The following SP4 variants were observed in gnomAD, a reference collection of about 807,000 sequenced individuals.
SP4 encodes Sp4 transcription factor, also known as transcription factor Sp4.
Under a neutral mutation model 72.8 loss-of-function variants are expected in SP4, and 19 were observed. That is an observed-to-expected ratio of 0.26 (90% CI 0.18 to 0.38). The LOEUF (loss-of-function observed/expected upper bound fraction) is 0.38. Among genes scored for constraint, SP4 ranks in the 10% least tolerant of loss-of-function variants. The pLI is 1.00. For missense variants in SP4, 1,008 were observed against 926.3 expected, an observed-to-expected ratio of 1.09 and a Z score of -1.14; for synonymous variants, 395 against 333.1, an observed-to-expected ratio of 1.19 and a Z score of -2.02.
chr7:21,444,270 GTTTTC>G (rs1206652361), intron 3 of SP4, among the ~76,000 whole-genome samples: 3 of 152,230 alleles, frequency 2.0e-5, no homozygotes, highest in South Asian at 2.1e-4. Context: ...AAATTATGCA[GTTTTC>G]TTTAATGAAT....
intron 5 of SP4, among the ~76,000 whole-genome samples, chr7:21,499,601 A>G (rs1781815247): frequency 6.6e-6 from 1 of 152,196 alleles, no homozygotes; most frequent in Non-Finnish European, 1.5e-5. Flanking sequence ...CTGGGCTGAG[A>G]TCTTAATTTT....
intron 5 of SP4, among the ~76,000 whole-genome samples, chr7:21,485,923 T>C (rs910548173): frequency 1.3e-5 from 2 of 152,034 alleles, no homozygotes; most frequent in Admixed American, 6.6e-5. Context: ...AGATCTCATA[T>C]TGGTTCTCAA....
intron 3 of SP4, among the ~76,000 whole-genome samples, chr7:21,455,512 A>G (rs1187652131): frequency 2.0e-5 from 3 of 152,162 alleles, no homozygotes; most frequent in African/African-American, 7.2e-5. Flanking sequence ...TATATCCTGA[A>G]TAGGACATCC....
At chr7:21,505,547 G>C (rs895047332) in intron 5 of SP4, among the ~76,000 whole-genome samples, 1 of 152,166 alleles carries the variant, frequency 6.6e-6, no homozygotes, top group Non-Finnish European at 1.5e-5. Flanking sequence ...TTTTCTCCTA[G>C]TTATAGCATC....
rs1562578741 is a variant in SP4, at chr7:21,429,562, G to GGGA, written c.399_401dup (p.Gly133_Ser134insArg). On this transcript the variant is annotated inframe_insertion, in exon 3 of 6. Transcript: ENST00000222584. Reference sequence around the variant, plus strand: ...GTCTAGTTCTTCCAGCAGTAATAACGGGAGTGCATCTCCTACAAAAACTAA... The same window carrying GGGA: ...GTCTAGTTCTTCCAGCAGTAATAACGGGAGGAGTGCATCTCCTACAAAAACTAA... 6.2e-7 allele frequency: 1 copy of GGGA among 1,614,080 alleles called. No individual in the cohort carries two copies. The highest frequency in any genetic ancestry group is 8.5e-7 in the Non-Finnish European group (1 of 1,179,978).
At chr7:21,441,996 GTGTGTGTGTT>G (rs1326712575) in intron 3 of SP4, among the ~76,000 whole-genome samples, 2 of 113,812 alleles carry the variant, frequency 1.8e-5, no homozygotes, top group African/African-American at 7.2e-5. Flanking sequence ...CATTTTATGT[GTGTGTGTGTT>G]TGTGTGTGTG....
intron 3 of SP4, among the ~76,000 whole-genome samples, chr7:21,453,302 T>A (rs1209673627): frequency 6.6e-6 from 1 of 152,232 alleles, no homozygotes; most frequent in Non-Finnish European, 1.5e-5. Flanking sequence ...TCTCCAGTTA[T>A]CAGAAACCTG....
Position 21,428,203 on chromosome 7 carries a change from C to CCCCCCCAG in SP4, c.-49_-48insCCCCCCAG. 8.2e-7 allele frequency: 1 copy of CCCCCCCAG among 1,216,718 alleles called. No individual in the cohort carries two copies. The highest frequency in any genetic ancestry group is 1.2e-6 in the Non-Finnish European group (1 of 854,966). The allele number at this position is 1,216,718 out of a possible 1,614,324, so 75.4% of individuals were successfully genotyped here. A position where few individuals can be genotyped will look rare whatever the true frequency, so the allele number is the denominator to read the frequency against. On this transcript the variant is annotated 5_prime_UTR_variant, in exon 1 of 6. Coordinates refer to ENST00000222584, the MANE Select transcript of SP4 (RefSeq NM_003112.5). ...CTCCCGCCTCGCCCCCACCCCCACC[C>CCCCCCCAG]ACCTCTATCCCAGTGTCTCCGTCTG...
In SP4 at chr7:21,511,222, T is replaced by A; in HGVS notation, c.2308T>A (p.Ser770Thr). ...CACAGTTGCAGCCATTTCTCAAGAT[T>A]CGAATCCAGCAACTCCCAATGTTTC... The part of the protein sequence containing the change: ...IVTVAAISQD[S>T]NPATPNVSTN... Residue 770 changes from serine (S) to threonine (T), a missense_variant, in exon 6 of 6, where the codon TCG becomes ACG. Physicochemically the swap from Ser to Thr is moderately conservative, Grantham distance 58. Coordinates refer to ENST00000222584, the MANE Select transcript of SP4 (RefSeq NM_003112.5). 6.2e-7 allele frequency: 1 copy of A among 1,614,192 alleles called. No homozygotes were observed. Among genetic ancestry groups the A allele is most frequent in the African/African-American group, 1.3e-5 (1 of 75,072 alleles).
At chr7:21,497,663 GT>G (rs1252120404) in intron 5 of SP4, among the ~76,000 whole-genome samples, 1 of 152,136 alleles carries the variant, frequency 6.6e-6, no homozygotes, top group African/African-American at 2.4e-5. Flanking sequence ...TTTGTGACAT[GT>G]TGAATGATGC....
chr7:21,428,986 C>T, intron 2 of SP4, 194 bp downstream of exon 2: 1 of 594,584 alleles, frequency 1.7e-6, no homozygotes, highest in South Asian at 2.3e-5. Context: ...AAAATTACAT[C>T]AGGAATTCAG....
At chr7:21,485,933 A>G (rs1373527916) in intron 5 of SP4, among the ~76,000 whole-genome samples, 2 of 151,896 alleles carry the variant, frequency 1.3e-5, no homozygotes, top group African/African-American at 4.8e-5. Context: ...TTGGTTCTCA[A>G]GATCTCGTGT....
chr7:21,440,323 GA>G (rs1474453460), intron 3 of SP4, among the ~76,000 whole-genome samples: 1 of 152,160 alleles, frequency 6.6e-6, no homozygotes, highest in Non-Finnish European at 1.5e-5. Context: ...ATAATGTAAA[GA>G]AAACTGTATG....
chr7:21,445,475 T>TATA (rs1187948023), intron 3 of SP4, among the ~76,000 whole-genome samples: 1 of 152,192 alleles, frequency 6.6e-6, no homozygotes, highest in East Asian at 1.9e-4. Context: ...GCAACTTTAT[T>TATA]GTTTTCTGCT....
intron 5 of SP4, among the ~76,000 whole-genome samples, chr7:21,485,059 A>G (rs1232671307): frequency 1.3e-5 from 2 of 151,972 alleles, no homozygotes; most frequent in African/African-American, 4.8e-5. Context: ...ACTAAAAAAT[A>G]TTAATATCAG....
intron 3 of SP4, among the ~76,000 whole-genome samples, chr7:21,437,313 T>TA (rs1783080793): frequency 6.6e-6 from 1 of 152,170 alleles, no homozygotes; most frequent in Non-Finnish European, 1.5e-5. Flanking sequence ...CTTCTTTCTT[T>TA]AGGATTTCCA....
intron 3 of SP4, among the ~76,000 whole-genome samples, chr7:21,470,161 C>A (rs73685141): frequency 0.035 from 5,369 of 152,220 alleles, 354 homozygotes; most frequent in East Asian, 0.26. Context: ...GGCCGAGTTT[C>A]GTAAGAAAGC....
At chr7:21,456,646 C>T (rs540973468) in intron 3 of SP4, among the ~76,000 whole-genome samples, 1 of 152,292 alleles carries the variant, frequency 6.6e-6, no homozygotes, top group African/African-American at 2.4e-5. Flanking sequence ...AAGGCCATTT[C>T]AGATTACCCA....
At chr7:21,496,124 A>G (rs1385618949) in intron 5 of SP4, among the ~76,000 whole-genome samples, 1 of 152,180 alleles carries the variant, frequency 6.6e-6, no homozygotes, top group African/African-American at 2.4e-5. Context: ...ACAAAGAGAC[A>G]CTACAAAGGA....
Sources: allele counts gnomAD v4.1 joint callset (sites outside exome capture counted in the v4.1 genomes callset), GRCh38; gene constraint gnomAD v4.1.1; transcripts MANE v1.5; gene names NCBI Gene and HGNC (gene_info 2026-07-23, HGNC 2026-07-21).